ROBO2: variants seen among roughly 807,000 people sequenced by gnomAD.
The protein encoded by ROBO2 is roundabout guidance receptor 2.
Under a neutral mutation model 160.8 loss-of-function variants are expected in ROBO2, and 53 were observed. That is an observed-to-expected ratio of 0.33 (90% confidence interval 0.26 to 0.41). ROBO2 has a LOEUF of 0.41. Ranked by LOEUF, ROBO2 falls within the 10% of genes least tolerant of loss-of-function variation. The probability of loss-of-function intolerance (pLI) is 1.00; values close to 1 mark genes in which losing one functional copy is unlikely to be tolerated. For missense variants in ROBO2, 1,577 were observed against 1,722.4 expected (o/e 0.92, Z 1.49); for synonymous variants, 664 against 611.7 (o/e 1.09, Z -1.26).
At position 76,875,121 on chromosome 3, in the gene ROBO2, A is replaced by C. The variant is rs557841016; in HGVS notation, c.110-222893A>C. On this transcript the variant is annotated intron_variant, in intron 2 of 26. Coordinates refer to the ROBO2 transcript ENST00000487694. ...GGCCCTTATAAAAGAGGCTTCATGC[A>C]GTGTTCAACCCTCTTCACCCCTTCC... 3.9e-5 allele frequency among the ~76,000 whole-genome samples: 6 copies of C among 152,234 alleles called. No homozygotes were observed. The South Asian group carries it at 1.0e-3, about 26-fold the overall frequency.
intron 2 of ROBO2, among the ~76,000 whole-genome samples, chr3:76,551,992 C>T (rs2083450242): frequency 6.6e-6 from 1 of 152,044 alleles, no homozygotes; most frequent in Non-Finnish European, 1.5e-5. Context: ...GGAATGAGCC[C>T]AGCAGGTGCG....
At chr3:77,309,725 AC>A (rs577517140) in intron 2 of ROBO2, among the ~76,000 whole-genome samples, 155 of 152,282 alleles carry the variant, frequency 1.0e-3, no homozygotes, top group African/African-American at 3.6e-3. Flanking sequence ...TTCTTTAGAG[AC>A]ACTGACCTAG....
intron 21 of ROBO2, among the ~76,000 whole-genome samples, chr3:77,611,719 A>G (rs1311895089): frequency 1.3e-5 from 2 of 152,234 alleles, no homozygotes; most frequent in Non-Finnish European, 2.9e-5. Flanking sequence ...AAAAAGTATC[A>G]GAATATCAAA....
intron 2 of ROBO2, among the ~76,000 whole-genome samples, chr3:76,301,157 A>G (rs1709336748): frequency 6.6e-6 from 1 of 152,118 alleles, no homozygotes; most frequent in Non-Finnish European, 1.5e-5. Context: ...AAGGAAGGAC[A>G]TTACTCAGGT....
intron 25 of ROBO2, among the ~76,000 whole-genome samples, chr3:77,645,425 A>G (rs2095403091): frequency 6.6e-6 from 1 of 152,198 alleles, no homozygotes; most frequent in African/African-American, 2.4e-5. Context: ...GAAAACTGGC[A>G]TAGGTAGTTA....
At chr3:77,337,617 A>C (rs531490831) in intron 2 of ROBO2, among the ~76,000 whole-genome samples, 1 of 152,290 alleles carries the variant, frequency 6.6e-6, no homozygotes, top group East Asian at 1.9e-4. Flanking sequence ...ATTTGAACCT[A>C]ATAGTTAACT....
chr3:77,376,389 C>A (rs1437135078), intron 2 of ROBO2, among the ~76,000 whole-genome samples: 1 of 151,924 alleles, frequency 6.6e-6, no homozygotes, highest in African/African-American at 2.4e-5. Flanking sequence ...AACTCCTGAC[C>A]TCAAGTGATC....
At chr3:77,226,586 C>G (rs1372279061) in intron 2 of ROBO2, among the ~76,000 whole-genome samples, 1 of 152,042 alleles carries the variant, frequency 6.6e-6, no homozygotes, top group Admixed American at 6.6e-5. Flanking sequence ...TTGACAAAGT[C>G]AAGATTGCAG....
intron 4 of ROBO2, among the ~76,000 whole-genome samples, chr3:77,483,508 A>C (rs1472375236): frequency 2.0e-5 from 3 of 151,850 alleles, no homozygotes; most frequent in Non-Finnish European, 4.4e-5. Context: ...TATTTATATA[A>C]GTAAAACTGA....
intron 2 of ROBO2, among the ~76,000 whole-genome samples, chr3:76,637,407 T>C (rs1578764711): frequency 1.4e-5 from 2 of 145,598 alleles, no homozygotes; most frequent in South Asian, 2.2e-4. Context: ...TTTCTTTCTT[T>C]ATAAAGTTCT....
intron 2 of ROBO2, among the ~76,000 whole-genome samples, chr3:76,182,336 C>A (rs974081226): frequency 6.6e-6 from 1 of 152,018 alleles, no homozygotes; most frequent in African/African-American, 2.4e-5. Context: ...ACTGGAAATA[C>A]GTTTTTCTCC....
At chr3:76,041,685 G>A (rs1199745472) in intron 2 of ROBO2, among the ~76,000 whole-genome samples, 2 of 151,870 alleles carry the variant, frequency 1.3e-5, no homozygotes, top group African/African-American at 4.9e-5. Context: ...AATATCATAA[G>A]TATTGGCATT....
intron 2 of ROBO2, among the ~76,000 whole-genome samples, chr3:76,229,087 A>G (rs1263142276): frequency 2.0e-5 from 3 of 151,956 alleles, no homozygotes; most frequent in African/African-American, 7.2e-5. Context: ...TCTCTAGTAT[A>G]TCAGTTTCCA....
At chr3:77,057,939 A>G (rs1363660042) in intron 1 of ROBO2, among the ~76,000 whole-genome samples, 2 of 152,080 alleles carry the variant, frequency 1.3e-5, no homozygotes, top group African/African-American at 2.4e-5. Context: ...ATGTATACCT[A>G]TGTAACAAAG....
intron 2 of ROBO2, among the ~76,000 whole-genome samples, chr3:77,163,441 G>C (rs1351946963): frequency 6.6e-6 from 1 of 152,186 alleles, no homozygotes. Flanking sequence ...CTTACAGAGA[G>C]TCCAATAACC....
At chr3:76,516,855 C>A (rs2081368159) in intron 2 of ROBO2, among the ~76,000 whole-genome samples, 1 of 152,018 alleles carries the variant, frequency 6.6e-6, no homozygotes, top group South Asian at 2.1e-4. Context: ...TCTGCAAGTC[C>A]CTGAAGGTAA....
chr3:76,670,189 C>T (rs1281694420), intron 2 of ROBO2, among the ~76,000 whole-genome samples: 1 of 152,082 alleles, frequency 6.6e-6, no homozygotes, highest in Admixed American at 6.6e-5. Context: ...CTTTATAAAA[C>T]TTGCATGCAA....
Position 76,108,051 on chromosome 3 carries a change from T to A in ROBO2, c.109+170449T>A, listed in dbSNP as rs560399375. 5.3e-3 allele frequency among the ~76,000 whole-genome samples: 813 copies of A among 152,192 alleles called. 11 individuals are homozygous for A. The highest frequency in any genetic ancestry group is 0.019 in the African/African-American group (787 of 41,550). On this transcript the variant is annotated intron_variant, in intron 2 of 26. Transcript: ENST00000487694. ...GGTACCTGTATTATATTAGAAAGAA[T>A]AGCATACTCTTTTTATTAGATGCTC... is the stretch of plus-strand genomic sequence containing the variant.
intron 2 of ROBO2, among the ~76,000 whole-genome samples, chr3:77,415,449 C>T (rs1425050673): frequency 6.6e-6 from 1 of 152,186 alleles, no homozygotes; most frequent in African/African-American, 2.4e-5. Flanking sequence ...TGTGTGTCCT[C>T]TGCAATAGTC....
Sources: gnomAD v4.1 joint callset for allele counts (sites outside exome capture counted in the v4.1 genomes callset) on GRCh38, gnomAD v4.1.1 for gene constraint, MANE v1.5 for transcripts, NCBI Gene and HGNC (gene_info 2026-07-23, HGNC 2026-07-21) for gene names.